STRBP: variants seen among roughly 807,000 people sequenced by gnomAD.
STRBP encodes the protein spermatid perinuclear RNA-binding protein.
In STRBP, 13 loss-of-function variants were observed where a neutral mutation model predicts 80.1. The observed-to-expected ratio is 0.16, with a 90% confidence interval of 0.11 to 0.26. The LOEUF is 0.26. Among genes scored for constraint, STRBP ranks in the 10% least tolerant of loss-of-function variants. STRBP has a pLI of 1.00. For missense variants in STRBP, 485 were observed against 815.2 expected, an observed-to-expected ratio of 0.59 and a Z score of 4.93; for synonymous variants, 284 against 291.2, an observed-to-expected ratio of 0.98 and a Z score of 0.25.
rs1269680293 is a variant in STRBP, at chr9:123,122,503, G to A, written c.*3094C>T. The A allele has an allele frequency of 5.1e-6, 6 of 1,182,854 alleles. No individual in the cohort carries two copies. The East Asian group carries it at 2.9e-4, about 58-fold the overall frequency. 73.3% of individuals were successfully genotyped at this position (1,182,854 alleles called of 1,614,324 possible). On this transcript the variant is annotated 3_prime_UTR_variant, in exon 19 of 19. Coordinates refer to ENST00000348403, the MANE Select transcript of STRBP (RefSeq NM_018387.5). Reference sequence around the variant, plus strand: ...AATCTCTCAGTGGTTTGTTCCCCAGGCTAACAATTTGAGAGAGACTACAAA... The same window carrying A: ...AATCTCTCAGTGGTTTGTTCCCCAGACTAACAATTTGAGAGAGACTACAAA...
chr9:123,198,337 T>C (rs1198011858), intron 2 of STRBP, among the ~76,000 whole-genome samples: 1 of 151,986 alleles, frequency 6.6e-6, no homozygotes, highest in African/African-American at 2.4e-5. Context: ...ACATTTTCAC[T>C]ATATTGGCCA....
At chr9:123,116,208 C>T (rs1037995780) in intron 2 of STRBP, 55 of 419,454 alleles carry the variant, frequency 1.3e-4, no homozygotes, top group East Asian at 5.7e-4. Context: ...GTTACTGTGA[C>T]GGTGATCCCA....
At chr9:123,153,556 C>T (rs901250547) in intron 11 of STRBP, among the ~76,000 whole-genome samples, 1 of 152,252 alleles carries the variant, frequency 6.6e-6, no homozygotes, top group African/African-American at 2.4e-5. Flanking sequence ...AGAGGGGATT[C>T]AAGGGCAACT....
intron 1 of STRBP, among the ~76,000 whole-genome samples, chr9:123,237,315 C>T (rs1263252839): frequency 6.6e-6 from 1 of 152,112 alleles, no homozygotes. Context: ...TAGGACAAGG[C>T]TCTCACCTTT....
chr9:123,166,587 C>G (rs1426713012), intron 6 of STRBP, among the ~76,000 whole-genome samples: 2 of 151,946 alleles, frequency 1.3e-5, no homozygotes, highest in African/African-American at 4.8e-5. Context: ...AACCTCATCT[C>G]TACTAAAATA....
intron 11 of STRBP, among the ~76,000 whole-genome samples, chr9:123,155,783 G>GA (rs1297040875): frequency 1.3e-5 from 2 of 151,890 alleles, no homozygotes; most frequent in African/African-American, 4.8e-5. Flanking sequence ...TGTGAGAGAA[G>GA]AAGTCACAGA....
chr9:123,215,243 G>C (rs1431994516), intron 2 of STRBP, among the ~76,000 whole-genome samples: 1 of 151,962 alleles, frequency 6.6e-6, no homozygotes, highest in East Asian at 1.9e-4. Context: ...TTATTGTAGA[G>C]ACACGTTCTT....
At chr9:123,240,407 AAGAG>A (rs1009102211) in intron 1 of STRBP, among the ~76,000 whole-genome samples, 7 of 152,178 alleles carry the variant, frequency 4.6e-5, no homozygotes, top group African/African-American at 9.7e-5. Flanking sequence ...GCAAGCCAAA[AAGAG>A]AGAGAAACAC....
rs1227219366 is a variant in STRBP, at chr9:123,136,302, T to A, written c.1632+79A>T. 6 of 1,599,384 alleles carry A rather than the reference T, an allele frequency of 3.8e-6. No individual in the cohort carries two copies. The highest frequency in any genetic ancestry group is 1.1e-5 in the South Asian group (1 of 88,922). Reference sequence around the variant, plus strand: ...AATAGTGCCACAAGAACTGACTCAGTCTAAAACTTTACATTAAGTTCAGGA... The same window carrying A: ...AATAGTGCCACAAGAACTGACTCAGACTAAAACTTTACATTAAGTTCAGGA... On this transcript the variant is annotated intron_variant, in intron 15 of 18. Coordinates refer to ENST00000348403, the MANE Select transcript of STRBP (RefSeq NM_018387.5). The surrounding 1 kb of genome is among the most constrained non-coding windows in gnomAD (Gnocchi z 4.2).
intron 13 of STRBP, among the ~76,000 whole-genome samples, chr9:123,140,823 A>G (rs2036562603): frequency 1.3e-5 from 2 of 152,222 alleles, no homozygotes; most frequent in South Asian, 4.1e-4. Context: ...GAATGTGTAT[A>G]TGTGTGTGCA....
At chr9:123,210,067 T>C (rs2039655169) in intron 2 of STRBP, among the ~76,000 whole-genome samples, 3 of 152,202 alleles carry the variant, frequency 2.0e-5, no homozygotes, top group South Asian at 2.1e-4. Context: ...AATGAGCAAT[T>C]TGTAGTTATA....
intron 2 of STRBP, among the ~76,000 whole-genome samples, chr9:123,209,591 G>A (rs1180501432): frequency 6.6e-6 from 1 of 152,200 alleles, no homozygotes; most frequent in Admixed American, 6.5e-5. Context: ...AACATGTAAA[G>A]AGGATGGCTC....
chr9:123,125,866 A>C (rs1041717076), intron 18 of STRBP, among the ~76,000 whole-genome samples, 193 bp from the exon 19 acceptor site: 1 of 152,266 alleles, frequency 6.6e-6, no homozygotes, highest in African/African-American at 2.4e-5. Context: ...ATTTTGATAA[A>C]TAATATTTTC....
chr9:123,208,980 G>A (rs2039618161), intron 2 of STRBP, among the ~76,000 whole-genome samples: 1 of 152,134 alleles, frequency 6.6e-6, no homozygotes. Flanking sequence ...TAGGTGACAT[G>A]CTCTGCTTGC....
intron 2 of STRBP, 122 bp downstream of exon 2, chr9:123,236,708 T>C (rs983815746): frequency 1.3e-5 from 2 of 151,818 alleles, no homozygotes; most frequent in African/African-American, 2.4e-5. Context: ...TCTGGAGCCA[T>C]GATGTCTGGA....
intron 1 of STRBP, among the ~76,000 whole-genome samples, chr9:123,237,304 C>G (rs1429024489): frequency 6.6e-6 from 1 of 152,166 alleles, no homozygotes; most frequent in African/African-American, 2.4e-5. Flanking sequence ...AGAGTTGTAG[C>G]TAGGACAAGG....
chr9:123,120,970 T>C (rs1259086113), downstream of STRBP, among the ~76,000 whole-genome samples: 1 of 152,214 alleles, frequency 6.6e-6, no homozygotes, highest in Non-Finnish European at 1.5e-5. Context: ...GTTCCCAAAG[T>C]AGGATATTTG....
chr9:123,247,698 A>C (rs1203849771), intron 1 of STRBP, among the ~76,000 whole-genome samples: 1 of 152,252 alleles, frequency 6.6e-6, no homozygotes, highest in Non-Finnish European at 1.5e-5. Flanking sequence ...CTAAAGATGC[A>C]ATGTGTGTAA....
rs767225732 is a variant in STRBP, at chr9:123,170,013, A to G, written c.424T>C (p.Cys142Arg). The G allele has an allele frequency of 1.2e-6, 2 of 1,609,780 alleles. No homozygotes were observed. Among genetic ancestry groups the G allele is most frequent in the Non-Finnish European group, 1.7e-6 (2 of 1,178,592 alleles). ...LTEEKYQVEQ[C>R]VNEASIIIRN... ...ATTATAATAGATGCCTCATTTACAC[A>G]TTGTTCCACTTGATATTTCTCTTCT... Residue 142 changes from cysteine (C) to arginine (R), a missense_variant, in exon 6 of 19, where the codon TGT becomes CGT. This residue lies in a region of STRBP where 377 missense variants were observed against 616.1 expected (regional missense o/e 0.61). Transcript: ENST00000348403.
Sources: gnomAD v4.1 joint callset for allele counts (sites outside exome capture counted in the v4.1 genomes callset) on GRCh38, gnomAD v4.1.1 for gene constraint, gnomAD v4.1.1 regional missense constraint, Gnocchi (gnomAD v3.1) non-coding constraint, MANE v1.5 for transcripts, NCBI Gene and HGNC (gene_info 2026-07-23, HGNC 2026-07-21) for gene names.